STK39: variants seen among roughly 807,000 people sequenced by gnomAD.
STK39 encodes the protein STE20/SPS1-related proline-alanine-rich protein kinase.
In STK39, 20 loss-of-function variants were observed where a neutral mutation model predicts 77.8. The observed-to-expected ratio is 0.26, with a 90% CI of 0.18 to 0.37. The LOEUF (loss-of-function observed/expected upper bound fraction) is 0.37, where lower values mean the gene tolerates loss of function less well. Among genes scored for constraint, STK39 ranks in the 10% least tolerant of loss-of-function variants. The pLI is 1.00. For missense variants in STK39, 479 were observed against 656.5 expected, an observed-to-expected ratio of 0.73 and a Z score of 2.95; for synonymous variants, 246 against 234.1, an observed-to-expected ratio of 1.05 and a Z score of -0.47.
chr2:168,237,869 C>T (rs1346537808), intron 1 of STK39, among the ~76,000 whole-genome samples: 2 of 152,150 alleles, frequency 1.3e-5, no homozygotes, highest in Admixed American at 6.5e-5. Flanking sequence ...CCTGCCATTC[C>T]TTCCCCAGGA....
intron 1 of STK39, among the ~76,000 whole-genome samples, chr2:168,204,778 A>G (rs1689699767): frequency 6.6e-6 from 1 of 152,224 alleles, no homozygotes; most frequent in South Asian, 2.1e-4. Context: ...CTTTTGTGCT[A>G]TCTCAAATGC....
intron 8 of STK39, 51 bp from the exon 9 acceptor site, chr2:168,129,809 G>T: frequency 6.3e-7 from 1 of 1,590,356 alleles, no homozygotes; most frequent in Non-Finnish European, 8.6e-7. Flanking sequence ...CTTAATAAAT[G>T]CACTGCCTTG....
chr2:168,108,385 A>C (rs1357789440), intron 10 of STK39, among the ~76,000 whole-genome samples: 1 of 151,934 alleles, frequency 6.6e-6, no homozygotes. Flanking sequence ...CTGTTTCTAC[A>C]AAAAATACAA....
chr2:168,057,816 C>G (rs1405685921), intron 14 of STK39, among the ~76,000 whole-genome samples: 1 of 152,120 alleles, frequency 6.6e-6, no homozygotes, highest in Non-Finnish European at 1.5e-5. Context: ...CTCCTTGCAC[C>G]TCTACCTGCC....
chr2:167,988,669 T>C (rs1360372018), intron 16 of STK39, among the ~76,000 whole-genome samples: 5 of 152,148 alleles, frequency 3.3e-5, no homozygotes, highest in Admixed American at 2.0e-4. Context: ...AAAAAAAGTG[T>C]TTCTGGAATC....
intron 1 of STK39, among the ~76,000 whole-genome samples, chr2:168,232,441 A>T (rs1690482241): frequency 6.6e-6 from 1 of 152,210 alleles, no homozygotes; most frequent in Non-Finnish European, 1.5e-5. Context: ...ACAACTACAT[A>T]TGGCTAAAAA....
intron 7 of STK39, among the ~76,000 whole-genome samples, chr2:168,138,474 G>A (rs751499125): frequency 6.6e-6 from 1 of 152,166 alleles, no homozygotes; most frequent in South Asian, 2.1e-4. Flanking sequence ...GAATGATCCC[G>A]GACAGAGCTT....
chr2:168,074,739 T>C (rs1269278045), intron 12 of STK39, among the ~76,000 whole-genome samples: 2 of 152,176 alleles, frequency 1.3e-5, no homozygotes, highest in East Asian at 3.9e-4. Context: ...GCGACTTTCT[T>C]ATAAGTACTG....
chr2:168,156,019 T>C (rs1345589254), intron 5 of STK39, among the ~76,000 whole-genome samples: 3 of 152,196 alleles, frequency 2.0e-5, no homozygotes, highest in Admixed American at 1.3e-4. Flanking sequence ...TTTCTCCCTC[T>C]GGGAAGTATC....
In STK39 at chr2:168,129,540, C is replaced by CT; in HGVS notation, c.1089_1089+1insA (p.Val364SerfsTer13). 1 of 1,614,028 alleles carries CT rather than the reference C, an allele frequency of 6.2e-7. No homozygotes were observed. The highest frequency in any genetic ancestry group is 1.1e-5 in the South Asian group (1 of 91,082). ...GGGTCATGAAGGCTAATGGCACTTA[C>CT]CTTTTTGGCTCTTTGGGCTATGTCT... On this transcript the variant is annotated frameshift_variant and splice_region_variant. Coordinates refer to ENST00000355999, the MANE Select transcript of STK39 (RefSeq NM_013233.3). LOFTEE classifies it high-confidence loss of function.
intron 14 of STK39, among the ~76,000 whole-genome samples, chr2:168,029,482 T>C (rs1684780553): frequency 1.3e-5 from 2 of 152,210 alleles, no homozygotes; most frequent in African/African-American, 4.8e-5. Context: ...GATGAAAGTT[T>C]TTTTCTCCCA....
intron 16 of STK39, among the ~76,000 whole-genome samples, chr2:167,993,099 A>C (rs188157312): frequency 6.6e-6 from 1 of 152,254 alleles, no homozygotes; most frequent in African/African-American, 2.4e-5. Context: ...AAGCAACGTA[A>C]TAAGTTTTCT....
chr2:168,064,674 C>G (rs772195494), intron 13 of STK39, among the ~76,000 whole-genome samples: 4 of 152,112 alleles, frequency 2.6e-5, no homozygotes, highest in Non-Finnish European at 2.9e-5. Context: ...AATTATGATC[C>G]TGACAGTGGT....
intron 16 of STK39, among the ~76,000 whole-genome samples, chr2:167,997,381 T>C (rs1292553770): frequency 1.3e-5 from 2 of 152,118 alleles, no homozygotes; most frequent in Non-Finnish European, 2.9e-5. Flanking sequence ...GCCAGGTGAA[T>C]TGATTTCAAA....
intron 14 of STK39, among the ~76,000 whole-genome samples, chr2:168,038,776 T>C (rs1685023224): frequency 6.6e-6 from 1 of 152,126 alleles, no homozygotes; most frequent in African/African-American, 2.4e-5. Context: ...AAGACATACA[T>C]GGCTAAGAAA....
At chr2:168,053,995 G>C (rs1290531580) in intron 14 of STK39, among the ~76,000 whole-genome samples, 2 of 152,182 alleles carry the variant, frequency 1.3e-5, no homozygotes, top group Non-Finnish European at 1.5e-5. Flanking sequence ...GACAGTGCTT[G>C]AAAAATTATT....
intron 1 of STK39, among the ~76,000 whole-genome samples, chr2:168,221,398 T>C (rs908375974): frequency 1.6e-4 from 1 of 6,320 alleles, no homozygotes; most frequent in African/African-American, 1.8e-4. Context: ...TGTTAGCATT[T>C]AACCATGTTT....
At chr2:167,985,944 T>C (rs1574368142) in intron 16 of STK39, among the ~76,000 whole-genome samples, 1 of 152,148 alleles carries the variant, frequency 6.6e-6, no homozygotes, top group Non-Finnish European at 1.5e-5. Context: ...CAAAACACGG[T>C]ATTTTGGGAA....
At position 168,163,894 on chromosome 2, in the gene STK39, C is replaced by A. The variant is rs201156416; in HGVS notation, c.431-14G>T. The A allele has an allele frequency of 6.2e-7, 1 of 1,610,278 alleles. No individual in the cohort carries two copies. Among genetic ancestry groups the A allele is most frequent in the Non-Finnish European group, 8.5e-7 (1 of 1,178,666 alleles). ...CCAACATTGAACCTAAGTAGACAAA[C>A]AGAAGAATTAAAACATAAGCACCTT... is the stretch of plus-strand genomic sequence containing the variant. On this transcript the variant is annotated splice_polypyrimidine_tract_variant and intron_variant, in intron 3 of 17. Transcript: ENST00000355999.
Sources: gnomAD v4.1 joint callset for allele counts (sites outside exome capture counted in the v4.1 genomes callset) on GRCh38, gnomAD v4.1.1 for gene constraint, MANE v1.5 for transcripts, NCBI Gene and HGNC (gene_info 2026-07-23, HGNC 2026-07-21) for gene names.